The following PLA2G4A variants were observed in gnomAD, a reference collection of about 807,000 sequenced individuals.
PLA2G4A encodes the protein phospholipase A2 group IVA.
PLA2G4A carries 40 observed loss-of-function variants against 81.9 expected under a neutral mutation model. The ratio of observed to expected loss-of-function variants is 0.49; its 90% confidence interval spans 0.38 to 0.64. PLA2G4A has a LOEUF of 0.64. Among genes scored for constraint, PLA2G4A ranks in the 30% least tolerant of loss-of-function variants. The probability of loss-of-function intolerance (pLI) is 0.00; values close to 1 mark genes in which losing one functional copy is unlikely to be tolerated. For missense variants in PLA2G4A, 715 were observed against 905.1 expected (o/e 0.79, Z 2.69); for synonymous variants, 302 against 296.9 (o/e 1.02, Z -0.18).
At chr1:186,980,167 C>T (rs1211765262) in intron 17 of PLA2G4A, among the ~76,000 whole-genome samples, 1 of 152,092 alleles carries the variant, frequency 6.6e-6, no homozygotes, top group Non-Finnish European at 1.5e-5. Flanking sequence ...TCTCCATCTC[C>T]TGACCTCGTT....
intron 3 of PLA2G4A, among the ~76,000 whole-genome samples, chr1:186,885,663 T>C (rs1204176557): frequency 6.6e-6 from 1 of 152,112 alleles, no homozygotes; most frequent in Non-Finnish European, 1.5e-5. Context: ...AAGAGTAATA[T>C]GTTCAAGAAA....
intron 15 of PLA2G4A, among the ~76,000 whole-genome samples, chr1:186,968,922 G>C (rs547705019): frequency 6.0e-5 from 9 of 150,504 alleles, no homozygotes; most frequent in African/African-American, 2.2e-4. Flanking sequence ...TATACAATAT[G>C]ATGGGGATAA....
At chr1:186,978,048 C>G (rs1307511694) in intron 16 of PLA2G4A, among the ~76,000 whole-genome samples, 2 of 152,184 alleles carry the variant, frequency 1.3e-5, no homozygotes, top group African/African-American at 4.8e-5. Flanking sequence ...TACTTCAATA[C>G]TTTGAATTAT....
At chr1:186,903,981 T>C (rs1346483139) in intron 5 of PLA2G4A, among the ~76,000 whole-genome samples, 1 of 152,198 alleles carries the variant, frequency 6.6e-6, no homozygotes, top group Non-Finnish European at 1.5e-5. Flanking sequence ...ACTATGCTTG[T>C]TGCTTTAAGC....
intron 5 of PLA2G4A, among the ~76,000 whole-genome samples, chr1:186,898,555 G>GAAAAT (rs978704069): frequency 6.6e-6 from 1 of 152,140 alleles, no homozygotes; most frequent in Non-Finnish European, 1.5e-5. Context: ...ATACTGTGAA[G>GAAAAT]AAAATAAAGG....
At chr1:186,941,014 G>T (rs1557884408) in intron 10 of PLA2G4A, among the ~76,000 whole-genome samples, 1 of 151,304 alleles carries the variant, frequency 6.6e-6, no homozygotes, top group East Asian at 1.9e-4. Flanking sequence ...GGAGGCTGGG[G>T]CAGGAGAATG....
rs1491301817 is a variant in PLA2G4A, at chr1:186,830,953, G to GCTTT, written c.-70+1921_-70+1922insTCTT. ...GATTGTATAGCTTGCTTGCTTGCTT[G>GCTTT]CTTGCTTTCTTTCTTTCTTTCTTTC... On this transcript the variant is annotated intron_variant, in intron 1 of 17. Transcript: ENST00000367466. 9.4e-3 allele frequency among the ~76,000 whole-genome samples: 444 copies of GCTTT among 47,160 alleles called. 1 individual carries two copies. Among genetic ancestry groups the GCTTT allele is most frequent in the Non-Finnish European group, 0.013 (310 of 23,294 alleles). 30.9% of individuals were successfully genotyped at this position (47,160 alleles called of 152,430 possible). A position where few individuals can be genotyped will look rare whatever the true frequency, so the allele number is the denominator to read the frequency against.
chr1:186,886,045 C>A (rs1653926875), intron 3 of PLA2G4A, among the ~76,000 whole-genome samples: 1 of 151,904 alleles, frequency 6.6e-6, no homozygotes, highest in African/African-American at 2.4e-5. Context: ...GATTTCTCAA[C>A]AAAACAGAGA....
intron 1 of PLA2G4A, among the ~76,000 whole-genome samples, chr1:186,849,156 T>C (rs1442067482): frequency 6.6e-6 from 1 of 152,120 alleles, no homozygotes; most frequent in Non-Finnish European, 1.5e-5. Context: ...CTGTGGATTC[T>C]TTATGCATCA....
chr1:186,914,787 A>C (rs1050594031), intron 7 of PLA2G4A, among the ~76,000 whole-genome samples: 1 of 151,768 alleles, frequency 6.6e-6, no homozygotes, highest in African/African-American at 2.4e-5. Flanking sequence ...CTTTCTTTGG[A>C]GGTAGAAATT....
rs988049651 is a variant in PLA2G4A, at chr1:186,988,932, T to C, written c.*424T>C. 1.9e-5 allele frequency: 3 copies of C among 161,772 alleles called. No individual in the cohort carries two copies. The highest frequency in any genetic ancestry group is 1.2e-4 in the Admixed American group (2 of 16,726). 10.0% of individuals were successfully genotyped at this position (161,772 alleles called of 1,614,324 possible). A position where few individuals can be genotyped will look rare whatever the true frequency, so the allele number is the denominator to read the frequency against. Reference sequence around the variant, plus strand: ...CATGAGACAACACTATTTTTATTTATATATGCATATATATACATACATGAA... The same window carrying C: ...CATGAGACAACACTATTTTTATTTACATATGCATATATATACATACATGAA... On this transcript the variant is annotated 3_prime_UTR_variant, in exon 18 of 18. Coordinates refer to ENST00000367466, the MANE Select transcript of PLA2G4A (RefSeq NM_024420.3).
chr1:186,931,499 T>G (rs1655741516), intron 7 of PLA2G4A, among the ~76,000 whole-genome samples: 1 of 147,454 alleles, frequency 6.8e-6, no homozygotes, highest in African/African-American at 2.5e-5. Context: ...CTTTCCCAAT[T>G]TAAAGCAAAA....
intron 1 of PLA2G4A, among the ~76,000 whole-genome samples, chr1:186,844,695 G>A (rs1045353937): frequency 1.3e-5 from 2 of 152,172 alleles, no homozygotes; most frequent in African/African-American, 2.4e-5. Context: ...TAAATGACGA[G>A]TTAATGGGTG....
intron 3 of PLA2G4A, among the ~76,000 whole-genome samples, chr1:186,884,000 A>G (rs1469087727): frequency 6.6e-6 from 1 of 152,138 alleles, no homozygotes; most frequent in Non-Finnish European, 1.5e-5. Flanking sequence ...AGGATGCCCA[A>G]TATTTGTTTA....
chr1:186,904,199 C>T (rs988398509), intron 5 of PLA2G4A, among the ~76,000 whole-genome samples: 1 of 152,202 alleles, frequency 6.6e-6, no homozygotes, highest in South Asian at 2.1e-4. Context: ...TGCTGCTTTT[C>T]ACAAGAATAC....
intron 3 of PLA2G4A, among the ~76,000 whole-genome samples, chr1:186,875,287 A>C (rs1412762507): frequency 1.3e-5 from 2 of 152,126 alleles, no homozygotes; most frequent in Admixed American, 1.3e-4. Context: ...TGTAAAATGA[A>C]ATAATCATGA....
chr1:186,830,620 A>AAAAAAAAAAAAAC (rs1651517756), intron 1 of PLA2G4A, among the ~76,000 whole-genome samples: 1 of 151,150 alleles, frequency 6.6e-6, no homozygotes, highest in African/African-American at 2.4e-5. Flanking sequence ...AAAAAAAAAA[A>AAAAAAAAAAAAAC]AAAAAAAAAA....
intron 14 of PLA2G4A, among the ~76,000 whole-genome samples, chr1:186,964,633 C>A (rs1171184754): frequency 6.6e-6 from 1 of 152,192 alleles, no homozygotes; most frequent in Non-Finnish European, 1.5e-5. Context: ...CTCCCCTGAC[C>A]ATCCACCTGA....
chr1:186,847,085 A>G (rs1652202606), intron 1 of PLA2G4A, among the ~76,000 whole-genome samples: 1 of 151,996 alleles, frequency 6.6e-6, no homozygotes, highest in Non-Finnish European at 1.5e-5. Flanking sequence ...AAATGTTTAT[A>G]GAATATTTTA....
Sources: gnomAD v4.1 joint callset for allele counts (sites outside exome capture counted in the v4.1 genomes callset) on GRCh38, gnomAD v4.1.1 for gene constraint, MANE v1.5 for transcripts, NCBI Gene and HGNC (gene_info 2026-07-23, HGNC 2026-07-21) for gene names.